PSMA2: variants seen among roughly 807,000 people sequenced by gnomAD.
PSMA2 encodes the protein proteasome subunit alpha type-2.
PSMA2 carries 2 observed loss-of-function variants against 35.9 expected under a neutral mutation model. The ratio of observed to expected loss-of-function variants is 0.06; its 90% CI spans 0.02 to 0.18. The LOEUF (loss-of-function observed/expected upper bound fraction) is 0.18, where lower values mean the gene tolerates loss of function less well. Ranked by LOEUF, PSMA2 falls within the 10% of genes least tolerant of loss-of-function variation. The probability of loss-of-function intolerance (pLI) is 1.00; values close to 1 mark genes in which losing one functional copy is unlikely to be tolerated. For synonymous variants in PSMA2, 97 were observed against 98.2 expected (o/e 0.99, Z 0.07); for missense variants, 126 against 278.8 (o/e 0.45, Z 3.90).
chr7:42,925,980 C>T (rs1187747932), intron 3 of PSMA2, among the ~76,000 whole-genome samples: 1 of 152,186 alleles, frequency 6.6e-6, no homozygotes, highest in East Asian at 1.9e-4. Flanking sequence ...TGCTGGTACC[C>T]TGAGTAACAA....
chr7:42,917,432 G>A lies in PSMA2; in HGVS notation c.*142C>T, dbSNP rs1286709510. 3.1e-6 allele frequency: 2 copies of A among 648,124 alleles called. No individual in the cohort carries two copies. The highest frequency in any genetic ancestry group is 3.7e-5 in the African/African-American group (2 of 54,568). The allele number at this position is 648,124 out of a possible 1,614,324, so 40.1% of individuals were successfully genotyped here. ...GAAGGTGGGTTTAACAGTTTATTAGGATTTATAAGTGTCATTTTAAAAACA... is the reference window on the plus strand; with the variant it reads ...GAAGGTGGGTTTAACAGTTTATTAGAATTTATAAGTGTCATTTTAAAAACA... On this transcript the variant is annotated 3_prime_UTR_variant, in exon 8 of 8. Coordinates refer to ENST00000223321, the MANE Select transcript of PSMA2 (RefSeq NM_002787.5).
chr7:42,917,190 AGAAGCAG>A lies in PSMA2; in HGVS notation c.*377_*383del. The stretch of plus-strand genomic sequence containing the variant: ...AAAGTCTGCAGATCCTCCCAGCTCT[AGAAGCAG>A]TCATGTTTTTTACCAAAATCAGCAT... On this transcript the variant is annotated 3_prime_UTR_variant, in exon 8 of 8. Transcript: ENST00000223321. 1 of 182,748 alleles carries A rather than the reference AGAAGCAG, an allele frequency of 5.5e-6. No homozygotes were observed. The highest frequency in any genetic ancestry group is 1.1e-5 in the Non-Finnish European group (1 of 87,154). 11.3% of individuals were successfully genotyped at this position (182,748 alleles called of 1,614,324 possible). A position where few individuals can be genotyped will look rare whatever the true frequency, so the allele number is the denominator to read the frequency against.
chr7:42,928,469 G>C (rs763276681), intron 1 of PSMA2, among the ~76,000 whole-genome samples: 10 of 152,172 alleles, frequency 6.6e-5, no homozygotes, highest in Non-Finnish European at 1.2e-4. Flanking sequence ...GAAGTCATGA[G>C]ATGGTCACAC....
intron 1 of PSMA2, among the ~76,000 whole-genome samples, chr7:42,929,226 G>T (rs1356860442): frequency 1.3e-5 from 2 of 152,078 alleles, no homozygotes; most frequent in East Asian, 3.9e-4. Flanking sequence ...CAGCTTTAAG[G>T]CTCTTGATAT....
intron 1 of PSMA2, among the ~76,000 whole-genome samples, chr7:42,927,922 AAGAC>A (rs909985839): frequency 9.4e-5 from 14 of 148,396 alleles, no homozygotes; most frequent in East Asian, 6.0e-4. Context: ...AAAAAAGAGA[AAGAC>A]AGAAAGAAAG....
chr7:42,929,934 A>T (rs1255990061), intron 1 of PSMA2, among the ~76,000 whole-genome samples: 1 of 151,906 alleles, frequency 6.6e-6, no homozygotes, highest in African/African-American at 2.4e-5. Flanking sequence ...CTCAAAAATC[A>T]CCCCCAAGCA....
At chr7:42,930,724 G>C (rs1036833049) in intron 1 of PSMA2, among the ~76,000 whole-genome samples, 2 of 151,926 alleles carry the variant, frequency 1.3e-5, no homozygotes, top group African/African-American at 4.8e-5. Flanking sequence ...AAAATTAGCA[G>C]GCAGGGTGGT....
At chr7:42,925,074 C>T (rs1303841645) in intron 3 of PSMA2, among the ~76,000 whole-genome samples, 1 of 151,878 alleles carries the variant, frequency 6.6e-6, no homozygotes, top group Non-Finnish European at 1.5e-5. Flanking sequence ...GACTGTACCC[C>T]CATCCAAGGG....
At chr7:42,923,934 G>A (rs899284969) in intron 4 of PSMA2, among the ~76,000 whole-genome samples, 7 of 151,990 alleles carry the variant, frequency 4.6e-5, no homozygotes, top group Admixed American at 1.3e-4. Context: ...CTAGGTTTAC[G>A]TATCAACAAC....
intron 6 of PSMA2, chr7:42,920,916 T>C (rs1314733229): frequency 2.6e-5 from 4 of 152,144 alleles, no homozygotes; most frequent in African/African-American, 9.7e-5. Flanking sequence ...AGATAAATAT[T>C]GCATGTTGTC....
intron 4 of PSMA2, among the ~76,000 whole-genome samples, chr7:42,923,952 A>G (rs1786165192): frequency 6.6e-6 from 1 of 152,232 alleles, no homozygotes; most frequent in Admixed American, 6.5e-5. Context: ...AACTACCTAT[A>G]TGCTATCTCA....
chr7:42,926,576 G>C lies in PSMA2; in HGVS notation c.211C>G (p.His71Asp). Residue 71 changes from histidine to aspartate, a missense_variant, in exon 3 of 8, where the codon CAT becomes GAT. Physicochemically the swap from His to Asp is moderately conservative, Grantham distance 81 (BLOSUM62 -1). This residue lies in a region of PSMA2 where 78 missense variants were observed against 151.1 expected (regional missense o/e 0.52). Coordinates refer to ENST00000223321, the MANE Select transcript of PSMA2 (RefSeq NM_002787.5). The part of the protein sequence containing the change: ...SVHKVEPITK[H>D]IGLVYSGMGP... ...ATGCCACTGTACACCAAACCTATAT[G>C]CTTGGTAATTGGTTCTACTTTGTGT... 6.2e-7 allele frequency: 1 copy of C among 1,609,270 alleles called. No homozygotes were observed. Among genetic ancestry groups the C allele is most frequent in the South Asian group, 1.1e-5 (1 of 90,050 alleles).
intron 2 of PSMA2, among the ~76,000 whole-genome samples, chr7:42,927,178 C>T (rs1024454586): frequency 6.6e-6 from 1 of 152,152 alleles, no homozygotes; most frequent in African/African-American, 2.4e-5. Context: ...TCACAACTAA[C>T]AGATAAAGGT....
intron 6 of PSMA2, chr7:42,918,040 G>A (rs539968458): frequency 3.4e-5 from 13 of 387,524 alleles, no homozygotes; most frequent in African/African-American, 1.9e-4. Flanking sequence ...CATCATGAAC[G>A]GTATGACCCT....
chr7:42,921,654 T>C (rs2128673792), intron 6 of PSMA2: 1 of 383,310 alleles, frequency 2.6e-6, no homozygotes, highest in East Asian at 3.8e-5. Context: ...GAGAACTCCT[T>C]AGGAAATGAA....
intron 4 of PSMA2, among the ~76,000 whole-genome samples, chr7:42,923,934 G>C (rs899284969): frequency 6.6e-6 from 1 of 151,992 alleles, no homozygotes; most frequent in South Asian, 2.1e-4. Flanking sequence ...CTAGGTTTAC[G>C]TATCAACAAC....
intron 1 of PSMA2, 67 bp downstream of exon 1, chr7:42,932,051 A>G: frequency 1.9e-6 from 3 of 1,601,974 alleles, no homozygotes; most frequent in Non-Finnish European, 1.7e-6. Flanking sequence ...TCAGGATGGG[A>G]AAAACTAAAT....
intron 5 of PSMA2, 84 bp from the exon 6 acceptor site, chr7:42,922,015 T>C (rs1030577460): frequency 5.7e-6 from 6 of 1,045,606 alleles, no homozygotes; most frequent in Non-Finnish European, 8.6e-6. Flanking sequence ...TTTAGCTTTA[T>C]TAATTGTTCT....
rs534031905 is a variant in PSMA2 at position 42,931,927 on chromosome 7, A to G, written c.41+191T>C. Among the ~76,000 whole-genome samples, 297 of 152,226 alleles carry G rather than the reference A, an allele frequency of 2.0e-3. 2 individuals are homozygous for G. Among genetic ancestry groups the G allele is most frequent in the African/African-American group, 6.8e-3 (283 of 41,548 alleles). On this transcript the variant is annotated intron_variant, in intron 1 of 7. Coordinates refer to ENST00000223321, the MANE Select transcript of PSMA2 (RefSeq NM_002787.5). The stretch of plus-strand genomic sequence containing the variant: ...AACCGCATCCCCCCGACCCTCCAGC[A>G]GCCTCCGACCAAGGAAGCTCCAGGA...
Sources: allele counts gnomAD v4.1 joint callset (sites outside exome capture counted in the v4.1 genomes callset), GRCh38; gene constraint gnomAD v4.1.1; regional missense constraint gnomAD v4.1.1; transcripts MANE v1.5; gene names NCBI Gene and HGNC (gene_info 2026-07-23, HGNC 2026-07-21).